Variants in CADPS2 observed in about 807,000 individuals in gnomAD.
The protein encoded by CADPS2 is calcium-dependent secretion activator 2.
CADPS2 carries 93 observed loss-of-function variants against 172.5 expected under a neutral mutation model. That is an observed-to-expected ratio of 0.54 (90% CI 0.46 to 0.64). The LOEUF (loss-of-function observed/expected upper bound fraction) is 0.64, where lower values mean the gene tolerates loss of function less well. CADPS2 is among the 30% of genes least tolerant of loss of function. CADPS2 has a pLI of 0.00. For synonymous variants in CADPS2, 546 were observed against 555.2 expected (o/e 0.98, Z 0.23); for missense variants, 1,420 against 1,565.9 (o/e 0.91, Z 1.57).
rs542703749 is a variant in CADPS2, at chr7:122,493,700, C to T, written c.1543-2280G>A. Among the ~76,000 whole-genome samples, 5 of 147,830 alleles carry T rather than the reference C, an allele frequency of 3.4e-5. No individual in the cohort carries two copies. In the East Asian group the frequency reaches 1.0e-3, roughly 30 times the overall value. On this transcript the variant is annotated intron_variant, in intron 9 of 29. Coordinates refer to ENST00000449022, the MANE Select transcript of CADPS2 (RefSeq NM_017954.11). Reference sequence around the variant, plus strand: ...GTACAAAGATGTAACACATTTTTGCCAAGCGTGGTTATGTTTAATCTTTTT... The same window carrying T: ...GTACAAAGATGTAACACATTTTTGCTAAGCGTGGTTATGTTTAATCTTTTT...
chr7:122,372,490 C>T (rs1324248577), intron 25 of CADPS2, among the ~76,000 whole-genome samples: 4 of 151,884 alleles, frequency 2.6e-5, no homozygotes, highest in Admixed American at 2.6e-4. Flanking sequence ...AACTTGGGCT[C>T]GTTCTCATGT....
intron 6 of CADPS2, among the ~76,000 whole-genome samples, chr7:122,594,586 T>C (rs763580918): frequency 6.6e-6 from 1 of 151,904 alleles, no homozygotes; most frequent in African/African-American, 2.4e-5. Context: ...AGTAGAAAAA[T>C]CATATTACAC....
At chr7:122,388,217 A>G (rs957309922) in intron 23 of CADPS2, among the ~76,000 whole-genome samples, 4 of 152,064 alleles carry the variant, frequency 2.6e-5, no homozygotes, top group Non-Finnish European at 4.4e-5. Context: ...CACAGCACAC[A>G]GACACAGTAC....
chr7:122,735,313 A>G (rs1230259291), intron 2 of CADPS2, among the ~76,000 whole-genome samples: 1 of 152,134 alleles, frequency 6.6e-6, no homozygotes. Context: ...GAATCTGTCT[A>G]CAGGCTAAAC....
chr7:122,528,996 T>C (rs1307503649), intron 8 of CADPS2, among the ~76,000 whole-genome samples: 1 of 152,106 alleles, frequency 6.6e-6, no homozygotes, highest in Non-Finnish European at 1.5e-5. Flanking sequence ...GTGCCACTTT[T>C]ATTATTAATA....
At chr7:122,598,987 G>A (rs1455903455) in intron 6 of CADPS2, among the ~76,000 whole-genome samples, 4 of 151,942 alleles carry the variant, frequency 2.6e-5, no homozygotes, top group Admixed American at 1.3e-4. Context: ...CAAGGGCTCA[G>A]GGAAGCCCTC....
chr7:122,424,400 T>C, intron 17 of CADPS2: 5 of 849,848 alleles, frequency 5.9e-6, no homozygotes, highest in Non-Finnish European at 7.1e-6. Context: ...AATTGGCCAC[T>C]AGAGTATAGA....
chr7:122,727,741 A>G (rs2091251822), intron 2 of CADPS2, among the ~76,000 whole-genome samples: 2 of 151,988 alleles, frequency 1.3e-5, no homozygotes, highest in East Asian at 1.9e-4. Flanking sequence ...ACTCACAGGC[A>G]GCAGAAACCC....
At chr7:122,380,824 T>A (rs2042912198) in intron 24 of CADPS2, among the ~76,000 whole-genome samples, 1 of 152,024 alleles carries the variant, frequency 6.6e-6, no homozygotes, top group Non-Finnish European at 1.5e-5. Flanking sequence ...ATTCCCAAGT[T>A]TGTGCTCCCC....
rs145838115 is a variant in CADPS2 at position 122,510,932 on chromosome 7, C to G, written c.1542+2317G>C. Among the ~76,000 whole-genome samples, 78 of 152,228 alleles carry G rather than the reference C, an allele frequency of 5.1e-4. No individual in the cohort carries two copies. The East Asian group carries it at 9.7e-3, about 19-fold the overall frequency. On this transcript the variant is annotated intron_variant, in intron 9 of 29. Transcript: ENST00000449022. The stretch of plus-strand genomic sequence containing the variant: ...CTTGTGTTTAAAACTTGTCAGAATA[C>G]TCGCATGGATTCTCAGTTCATTTGG...
intron 2 of CADPS2, among the ~76,000 whole-genome samples, chr7:122,705,507 TTATC>T (rs1345405171): frequency 1.8e-5 from 2 of 109,260 alleles, no homozygotes; most frequent in East Asian, 2.6e-4. Flanking sequence ...ATATTATATA[TTATC>T]TATATTTATA....
chr7:122,369,547 A>G (rs1281894344), intron 25 of CADPS2: 1 of 152,032 alleles, frequency 6.6e-6, no homozygotes, highest in African/African-American at 2.4e-5. Context: ...GAAATCTTAT[A>G]ATCACATCAA....
chr7:122,782,137 C>T (rs1190205812), intron 1 of CADPS2, among the ~76,000 whole-genome samples: 1 of 152,082 alleles, frequency 6.6e-6, no homozygotes, highest in Non-Finnish European at 1.5e-5. Flanking sequence ...TAAAGAAAAG[C>T]TATTGATATT....
chr7:122,735,774 C>T (rs2092109092), intron 2 of CADPS2, among the ~76,000 whole-genome samples: 1 of 152,094 alleles, frequency 6.6e-6, no homozygotes, highest in African/African-American at 2.4e-5. Flanking sequence ...AGATTACTCC[C>T]CTGAGCTACA....
chr7:122,549,707 G>A (rs2064015236), intron 8 of CADPS2, among the ~76,000 whole-genome samples: 1 of 151,898 alleles, frequency 6.6e-6, no homozygotes, highest in Non-Finnish European at 1.5e-5. Context: ...ATCAGGATAA[G>A]CCAGGCTGGG....
At chr7:122,595,509 T>G (rs938017973) in intron 6 of CADPS2, among the ~76,000 whole-genome samples, 1 of 152,046 alleles carries the variant, frequency 6.6e-6, no homozygotes, top group Admixed American at 6.6e-5. Flanking sequence ...CTTAATTGCT[T>G]ACATTTAAAA....
At chr7:122,328,902 C>G (rs2034424470) in intron 28 of CADPS2, among the ~76,000 whole-genome samples, 1 of 152,118 alleles carries the variant, frequency 6.6e-6, no homozygotes, top group Non-Finnish European at 1.5e-5. Flanking sequence ...GAAAACAGAA[C>G]ATCAGTCTAA....
At chr7:122,587,712 T>C (rs1309831644) in intron 6 of CADPS2, among the ~76,000 whole-genome samples, 1 of 152,138 alleles carries the variant, frequency 6.6e-6, no homozygotes, top group Non-Finnish European at 1.5e-5. Context: ...TGTATCTTTG[T>C]AACAGAATAA....
intron 20 of CADPS2, among the ~76,000 whole-genome samples, chr7:122,398,064 G>A (rs1389270721): frequency 6.6e-6 from 1 of 152,058 alleles, no homozygotes; most frequent in African/African-American, 2.4e-5. Context: ...GAAAACAAAT[G>A]GCTTAAATAT....
Sources: allele counts gnomAD v4.1 joint callset (sites outside exome capture counted in the v4.1 genomes callset), GRCh38; gene constraint gnomAD v4.1.1; transcripts MANE v1.5; gene names NCBI Gene and HGNC (gene_info 2026-07-23, HGNC 2026-07-21).